PCDHGA5: variants seen among roughly 807,000 people sequenced by gnomAD.
The protein encoded by PCDHGA5 is protocadherin gamma-A5.
In PCDHGA5, 36 loss-of-function variants were observed where a neutral mutation model predicts 56.7. That is an observed-to-expected ratio of 0.64 (90% CI 0.49 to 0.84). The LOEUF (loss-of-function observed/expected upper bound fraction) is 0.84. PCDHGA5 is among the 40% of genes least tolerant of loss of function. PCDHGA5 has a pLI of 0.00. For synonymous variants in PCDHGA5, 563 were observed against 520.2 expected, an observed-to-expected ratio of 1.08 and a Z score of -1.12; for missense variants, 1,305 against 1,201.5, an observed-to-expected ratio of 1.09 and a Z score of -1.27.
chr5:141,478,378 G>C, intron 1 of PCDHGA5: 1 of 1,613,558 alleles, frequency 6.2e-7, no homozygotes, highest in Non-Finnish European at 8.5e-7. Flanking sequence ...TGATGTCGCC[G>C]CACCTTTACC....
intron 1 of PCDHGA5, chr5:141,389,305 C>T: frequency 6.2e-7 from 1 of 1,614,004 alleles, no homozygotes; most frequent in Non-Finnish European, 8.5e-7. Flanking sequence ...CAAGTCAGGG[C>T]TTCTGATCCG....
chr5:141,393,464 C>T (rs1264655164), intron 1 of PCDHGA5: 10 of 1,613,912 alleles, frequency 6.2e-6, no homozygotes, highest in African/African-American at 2.7e-5. Context: ...CCTCGGATGG[C>T]GGCAAGCCGC....
intron 1 of PCDHGA5, among the ~76,000 whole-genome samples, chr5:141,467,475 T>C (rs2099144764): frequency 6.6e-6 from 1 of 152,248 alleles, no homozygotes; most frequent in Non-Finnish European, 1.5e-5. Flanking sequence ...GCATGGTTTT[T>C]GGTTTCCACA....
Position 141,431,432 on chromosome 5 carries a change from AC to A in PCDHGA5, c.2422-63373del. 2 of 1,613,692 alleles carry A rather than the reference AC, an allele frequency of 1.2e-6. No individual in the cohort carries two copies. Among genetic ancestry groups the A allele is most frequent in the Non-Finnish European group, 1.7e-6 (2 of 1,180,026 alleles). On this transcript the variant is annotated intron_variant, in intron 1 of 3. Transcript: ENST00000518069. The surrounding 1 kb of genome is among the most constrained non-coding windows in gnomAD (Gnocchi z 4.8). ...CGGGGGCGACCCGGTGCGCACAGGC[AC>A]CGCGCGCATCCGCGTGATGGTTCTG... is the stretch of plus-strand genomic sequence containing the variant.
At chr5:141,403,083 T>A (rs775664314) in intron 1 of PCDHGA5, 2 of 1,613,932 alleles carry the variant, frequency 1.2e-6, no homozygotes, top group East Asian at 4.5e-5. Flanking sequence ...AAGGGCTATA[T>A]TGTGGGCAAC....
chr5:141,364,866 C>A lies in PCDHGA5; in HGVS notation c.536C>A (p.Ser179Tyr), dbSNP rs749361969. 1 of 1,614,016 alleles carries A rather than the reference C, an allele frequency of 6.2e-7. No homozygotes were observed. The highest frequency in any genetic ancestry group is 8.5e-7 in the Non-Finnish European group (1 of 1,179,896). The change falls in exon 1 of 4, where the codon TCT becomes TAT. Residue 179 changes from serine (S) to tyrosine (Y), a missense_variant. Transcript: ENST00000518069. ...SYQLSSNLHF[S>Y]LDVVSGTDGQ... ...CAGCTCAGCTCCAATCTGCACTTCT[C>A]TCTGGATGTGGTAAGCGGAACTGAT...
Position 141,364,517 on chromosome 5 carries a change from G to A in PCDHGA5, c.187G>A (p.Gly63Arg), listed in dbSNP as rs1264187226. ...GLEPQELAER[G>R]VRIVSRGRTQ... Reference sequence around the variant, plus strand: ...GGAGCCCCAGGAGCTGGCGGAGCGCGGAGTCCGCATCGTCTCCAGAGGTAG... The same window carrying A: ...GGAGCCCCAGGAGCTGGCGGAGCGCAGAGTCCGCATCGTCTCCAGAGGTAG... Residue 63 changes from glycine to arginine, a missense_variant, in exon 1 of 4, where the codon GGA becomes AGA. Gly to Arg is a moderately radical substitution (Grantham distance 125). Transcript: ENST00000518069. 10 of 1,613,912 alleles carry A rather than the reference G, an allele frequency of 6.2e-6. No homozygotes were observed. Among genetic ancestry groups the A allele is most frequent in the Non-Finnish European group, 7.6e-6 (9 of 1,179,914 alleles).
At position 141,431,897 on chromosome 5, in the gene PCDHGA5, G is replaced by C. The variant is rs1591112104; in HGVS notation, c.2422-62910G>C. 6.2e-7 allele frequency: 1 copy of C among 1,613,830 alleles called. No homozygotes were observed. The highest frequency in any genetic ancestry group is 8.5e-7 in the Non-Finnish European group (1 of 1,179,704). ...AAATGACCAAGATTCTGAGGAAAAC[G>C]GACAGGTGATCTGTTTCATCCAAGG... On this transcript the variant is annotated intron_variant, in intron 1 of 3. Coordinates refer to ENST00000518069, the MANE Select transcript of PCDHGA5 (RefSeq NM_018918.3). The surrounding 1 kb of genome is among the most constrained non-coding windows in gnomAD (Gnocchi z 4.8).
chr5:141,395,483 AT>A lies in PCDHGA5; in HGVS notation c.2421+28734del, dbSNP rs2093238640. ...TTAAGCCTTCCAGTATTTTATTCCT[AT>A]TATCACTCATTCACTTAAGAAGTAG... On this transcript the variant is annotated intron_variant, in intron 1 of 3. Transcript: ENST00000518069. The A allele has an allele frequency of 5.8e-6, 3 of 512,838 alleles. No individual in the cohort carries two copies. The South Asian group carries it at 8.4e-5, about 14-fold the overall frequency. The allele number at this position is 512,838 out of a possible 1,614,324, so 31.8% of individuals were successfully genotyped here.
intron 1 of PCDHGA5, chr5:141,428,502 G>T: frequency 7.1e-6 from 2 of 282,686 alleles, no homozygotes; most frequent in Non-Finnish European, 6.9e-6. Flanking sequence ...ATGTTCCCTC[G>T]GATTCTAGAA....
intron 1 of PCDHGA5, among the ~76,000 whole-genome samples, chr5:141,464,882 A>T (rs1418376370): frequency 6.6e-6 from 1 of 151,918 alleles, no homozygotes; most frequent in Middle Eastern, 3.2e-3. Context: ...AGGACTACAG[A>T]TGGATGCCAC....
chr5:141,419,605 G>A, intron 1 of PCDHGA5: 1 of 1,611,776 alleles, frequency 6.2e-7, no homozygotes, highest in Non-Finnish European at 8.5e-7. Flanking sequence ...CGCGGGCCGC[G>A]CAGCCAGGCT....
chr5:141,476,697 C>T lies in PCDHGA5; in HGVS notation c.2422-18110C>T, dbSNP rs758302668. The T allele has an allele frequency of 2.5e-6, 4 of 1,614,110 alleles. No individual in the cohort carries two copies. The highest frequency in any genetic ancestry group is 2.2e-5 in the South Asian group (2 of 91,088). The stretch of plus-strand genomic sequence containing the variant: ...ACGCGGGAGGACAGCACCAAGTACG[C>T]GGAGCTGGTGTTGGAGCGCGCCCTG... On this transcript the variant is annotated intron_variant, in intron 1 of 3. Coordinates refer to ENST00000518069, the MANE Select transcript of PCDHGA5 (RefSeq NM_018918.3). The surrounding 1 kb of genome is among the most constrained non-coding windows in gnomAD (Gnocchi z 7.6).
intron 1 of PCDHGA5, chr5:141,433,110 G>T (rs1031253372): frequency 1.2e-6 from 2 of 1,614,098 alleles, no homozygotes; most frequent in East Asian, 4.5e-5. Context: ...AGCCAGGAGA[G>T]CTTTGAAAAA....
chr5:141,445,302 A>C (rs2098462947), intron 1 of PCDHGA5, among the ~76,000 whole-genome samples: 1 of 152,220 alleles, frequency 6.6e-6, no homozygotes, highest in African/African-American at 2.4e-5. Flanking sequence ...CATTCTCTTC[A>C]GTTTGTAGGT....
chr5:141,394,653 C>T lies in PCDHGA5; in HGVS notation c.2421+27902C>T, dbSNP rs545273127. On this transcript the variant is annotated intron_variant, in intron 1 of 3. Coordinates refer to ENST00000518069, the MANE Select transcript of PCDHGA5 (RefSeq NM_018918.3). ...CTACCGCCTGCTCAAGGCCAGCGAG[C>T]CGGGACTCTTCTCGGTGGGTCTGCA... The T allele has an allele frequency of 9.9e-6, 16 of 1,613,348 alleles. No homozygotes were observed. The East Asian group carries it at 3.1e-4, about 31-fold the overall frequency.
At chr5:141,443,166 C>G (rs914863821) in intron 1 of PCDHGA5, among the ~76,000 whole-genome samples, 1 of 152,124 alleles carries the variant, frequency 6.6e-6, no homozygotes, top group African/African-American at 2.4e-5. Flanking sequence ...ATTTCCCTAC[C>G]CATGTCCACT....
intron 1 of PCDHGA5, chr5:141,428,040 G>A: frequency 6.2e-7 from 1 of 1,608,668 alleles, no homozygotes; most frequent in Non-Finnish European, 8.5e-7. Flanking sequence ...CGGCTACCTG[G>A]TGACCAAGGT....
chr5:141,509,144 G>C (rs969990007), intron 3 of PCDHGA5, among the ~76,000 whole-genome samples: 14 of 152,114 alleles, frequency 9.2e-5, no homozygotes, highest in Admixed American at 2.0e-4. Context: ...GGCGCATCCC[G>C]GCTCTCCCCT....
Sources: gnomAD v4.1 joint callset for allele counts (sites outside exome capture counted in the v4.1 genomes callset) on GRCh38, gnomAD v4.1.1 for gene constraint, Gnocchi (gnomAD v3.1) non-coding constraint, MANE v1.5 for transcripts, NCBI Gene and HGNC (gene_info 2026-07-23, HGNC 2026-07-21) for gene names.